Variants in AOAH observed in about 807,000 individuals in gnomAD.
AOAH encodes the protein acyloxyacyl hydrolase.
AOAH carries 64 observed loss-of-function variants against 92.2 expected under a neutral mutation model. That is an observed-to-expected ratio of 0.69 (90% CI 0.57 to 0.86). The LOEUF (loss-of-function observed/expected upper bound fraction) is 0.86. AOAH is among the 40% of genes least tolerant of loss of function. The pLI is 0.00. For synonymous variants in AOAH, 263 were observed against 254.5 expected, an observed-to-expected ratio of 1.03 and a Z score of -0.32; for missense variants, 656 against 694.6, an observed-to-expected ratio of 0.94 and a Z score of 0.62.
chr7:36,579,772 C>T (rs1318448996), intron 12 of AOAH, among the ~76,000 whole-genome samples: 2 of 152,292 alleles, frequency 1.3e-5, no homozygotes, highest in East Asian at 3.9e-4. Context: ...ATTGTGCCCA[C>T]CCAGATTAAG....
intron 15 of AOAH, among the ~76,000 whole-genome samples, chr7:36,546,127 A>G (rs140756185): frequency 6.6e-6 from 1 of 152,322 alleles, no homozygotes; most frequent in East Asian, 1.9e-4. Flanking sequence ...TCCAATCGTG[A>G]CCCTCACTCA....
chr7:36,715,739 T>G (rs1799115133), intron 1 of AOAH, among the ~76,000 whole-genome samples: 1 of 146,902 alleles, frequency 6.8e-6, no homozygotes, highest in Non-Finnish European at 1.5e-5. Context: ...ATTCCCTATT[T>G]AATAAATGGT....
At chr7:36,646,164 G>A (rs896696693) in intron 4 of AOAH, among the ~76,000 whole-genome samples, 14 of 152,054 alleles carry the variant, frequency 9.2e-5, no homozygotes, top group African/African-American at 2.7e-4. Flanking sequence ...ACCAAACATC[G>A]TATAGAGTTT....
chr7:36,687,229 A>C (rs7782722), intron 1 of AOAH, among the ~76,000 whole-genome samples: 2,775 of 152,242 alleles, frequency 0.018, 99 homozygotes, highest in African/African-American at 0.064. Flanking sequence ...TTCCTCCTTG[A>C]GAGGCAGGTA....
At chr7:36,566,534 C>G (rs998127484) in intron 13 of AOAH, among the ~76,000 whole-genome samples, 1 of 151,954 alleles carries the variant, frequency 6.6e-6, no homozygotes, top group African/African-American at 2.4e-5. Context: ...ATGAGTGGGG[C>G]AGGTGAGGCC....
chr7:36,699,797 G>T (rs1408119330), intron 1 of AOAH, among the ~76,000 whole-genome samples: 1 of 151,944 alleles, frequency 6.6e-6, no homozygotes, highest in Non-Finnish European at 1.5e-5. Flanking sequence ...CTTTTAGCTT[G>T]ATGTAATCTC....
At chr7:36,538,135 C>T (rs145716291) in intron 16 of AOAH, among the ~76,000 whole-genome samples, 40 of 151,050 alleles carry the variant, frequency 2.6e-4, no homozygotes, top group African/African-American at 8.5e-4. Flanking sequence ...TCAAGCGATT[C>T]TCCTGCTTCA....
intron 4 of AOAH, 43 bp from the exon 5 acceptor site, chr7:36,637,953 C>A: frequency 6.8e-7 from 1 of 1,474,670 alleles, no homozygotes; most frequent in African/African-American, 1.4e-5. Context: ...CATGTTTTAT[C>A]TTTTCTTCCT....
At chr7:36,698,656 T>C (rs1258933342) in intron 1 of AOAH, among the ~76,000 whole-genome samples, 1 of 152,164 alleles carries the variant, frequency 6.6e-6, no homozygotes, top group Admixed American at 6.5e-5. Flanking sequence ...TTTCTAATTT[T>C]CAAATAATTT....
rs77732775 is a variant in AOAH at position 36,636,543 on chromosome 7, T to C, written c.450+1308A>G. ...TCAAGAGTTTCCTGTGGTCTTTTAA[T>C]ATCTTATTCAACAACTTAAGCAAAT... On this transcript the variant is annotated intron_variant, in intron 5 of 20. Coordinates refer to ENST00000617537, the MANE Select transcript of AOAH (RefSeq NM_001637.4). 8.5e-5 allele frequency among the ~76,000 whole-genome samples: 13 copies of C among 152,362 alleles called. No individual in the cohort carries two copies. In the East Asian group the frequency reaches 2.5e-3, roughly 29 times the overall value.
At chr7:36,686,085 C>A (rs779235312) in intron 2 of AOAH, among the ~76,000 whole-genome samples, 3 of 151,986 alleles carry the variant, frequency 2.0e-5, no homozygotes, top group Non-Finnish European at 4.4e-5. Context: ...TAACAGTATT[C>A]TATAATGGAA....
intron 12 of AOAH, among the ~76,000 whole-genome samples, chr7:36,584,654 G>C (rs1053963451): frequency 6.6e-6 from 1 of 152,130 alleles, no homozygotes; most frequent in Non-Finnish European, 1.5e-5. Flanking sequence ...ATTTCTTGCA[G>C]AATACTTATT....
intron 20 of AOAH, among the ~76,000 whole-genome samples, chr7:36,514,228 A>T (rs1461773396): frequency 1.3e-5 from 2 of 151,852 alleles, no homozygotes; most frequent in African/African-American, 4.8e-5. Context: ...CCCTAGATGG[A>T]TGATGTGGGG....
At position 36,641,231 on chromosome 7, in the gene AOAH, G is replaced by A. The variant is rs376380039; in HGVS notation, c.391-3321C>T. 8.1e-4 allele frequency among the ~76,000 whole-genome samples: 123 copies of A among 152,278 alleles called. No individual in the cohort carries two copies. The South Asian group carries it at 0.011, about 14-fold the overall frequency. On this transcript the variant is annotated intron_variant, in intron 4 of 20. Transcript: ENST00000617537. The stretch of plus-strand genomic sequence containing the variant: ...TTCAAGACTCATGCATGGCTTTCTT[G>A]TTTACAGTGTGCCAGATCATAATAA...
At chr7:36,705,395 A>G (rs1209575419) in intron 1 of AOAH, among the ~76,000 whole-genome samples, 1 of 152,218 alleles carries the variant, frequency 6.6e-6, no homozygotes, top group Non-Finnish European at 1.5e-5. Context: ...TGCTACAAAG[A>G]GAATAAAATA....
intron 12 of AOAH, among the ~76,000 whole-genome samples, chr7:36,591,816 G>T (rs563562866): frequency 1.3e-5 from 2 of 152,290 alleles, no homozygotes; most frequent in African/African-American, 2.4e-5. Flanking sequence ...AAGTTTTGGG[G>T]AAGTTTAGAT....
At chr7:36,602,088 C>T (rs1266926169) in intron 11 of AOAH, among the ~76,000 whole-genome samples, 1 of 152,136 alleles carries the variant, frequency 6.6e-6, no homozygotes, top group African/African-American at 2.4e-5. Flanking sequence ...AAAAGTAGAG[C>T]CTTTCCTCTT....
intron 15 of AOAH, among the ~76,000 whole-genome samples, chr7:36,541,699 T>G (rs886375278): frequency 5.3e-5 from 8 of 152,228 alleles, no homozygotes; most frequent in African/African-American, 1.7e-4. Flanking sequence ...ATATCTAAAA[T>G]ACAAGTTGAA....
chr7:36,628,923 G>T (rs1387339757), intron 6 of AOAH, among the ~76,000 whole-genome samples: 1 of 152,194 alleles, frequency 6.6e-6, no homozygotes, highest in East Asian at 1.9e-4. Flanking sequence ...CAAACTGTTG[G>T]ATTCAAAGGT....
Sources: gnomAD v4.1 joint callset for allele counts (sites outside exome capture counted in the v4.1 genomes callset) on GRCh38, gnomAD v4.1.1 for gene constraint, MANE v1.5 for transcripts, NCBI Gene and HGNC (gene_info 2026-07-23, HGNC 2026-07-21) for gene names.